Variants in LGR6 observed in about 807,000 individuals in gnomAD.
LGR6 encodes the protein leucine-rich repeat-containing G protein-coupled receptor 6.
LGR6 carries 45 observed loss-of-function variants against 69.4 expected under a neutral mutation model. The observed-to-expected ratio is 0.65, with a 90% CI of 0.51 to 0.83. The LOEUF (loss-of-function observed/expected upper bound fraction) is 0.83, where lower values mean the gene tolerates loss of function less well. Among genes scored for constraint, LGR6 ranks in the 40% least tolerant of loss-of-function variants. The probability of loss-of-function intolerance (pLI) is 0.00; values close to 1 mark genes in which losing one functional copy is unlikely to be tolerated. For synonymous variants in LGR6, 538 were observed against 555.0 expected (o/e 0.97, Z 0.43); for missense variants, 1,108 against 1,246.7 (o/e 0.89, Z 1.68).
chr1:202,259,625 C>G (rs1664057646), intron 4 of LGR6, among the ~76,000 whole-genome samples: 1 of 152,104 alleles, frequency 6.6e-6, no homozygotes, highest in Non-Finnish European at 1.5e-5. Flanking sequence ...ATGTTTTATA[C>G]TTTTTAAAGG....
At chr1:202,204,657 CCAAA>C (rs1659019684) in intron 1 of LGR6, among the ~76,000 whole-genome samples, 1 of 2,366 alleles carries the variant, frequency 4.2e-4, no homozygotes, top group Non-Finnish European at 9.6e-4. Flanking sequence ...ACACACACCT[CCAAA>C]CACACACACG....
In LGR6 at chr1:202,300,898, G is replaced by C; in HGVS notation, c.835G>C (p.Gly279Arg). 1 of 1,612,656 alleles carries C rather than the reference G, an allele frequency of 6.2e-7. No homozygotes were observed. Residue 279 changes from glycine (G) to arginine (R), a missense_variant, in exon 8 of 18, where the codon GGG (glycine) becomes CGG (arginine). Transcript: ENST00000367278. ...IKAIPEKAFM[G>R]NPLLQTIHFY... ...GGCCATCCCAGAAAAGGCCTTCATG[G>C]GGAACCCTCTGCTACAGACGATGTG...
chr1:202,203,092 G>A lies in LGR6; in HGVS notation c.212+8891G>A, dbSNP rs568623608. Among the ~76,000 whole-genome samples, 3 of 152,320 alleles carry A rather than the reference G, an allele frequency of 2.0e-5. No homozygotes were observed. The South Asian group carries it at 6.2e-4, about 32-fold the overall frequency. On this transcript the variant is annotated intron_variant, in intron 1 of 17. Transcript: ENST00000367278. The stretch of plus-strand genomic sequence containing the variant: ...TTGCTGGGGTTCTTGCAGGGCAGAT[G>A]AAGTGCTTCTTTGTATAGGGGAATA...
At chr1:202,284,613 C>T (rs566545461) in intron 6 of LGR6, among the ~76,000 whole-genome samples, 1 of 152,202 alleles carries the variant, frequency 6.6e-6, no homozygotes, top group African/African-American at 2.4e-5. Context: ...AAGGTTTTCC[C>T]AGGAGGTCTC....
At chr1:202,297,392 A>G (rs751614554) in intron 6 of LGR6, 116 bp from the exon 7 acceptor site, 8 of 768,452 alleles carry the variant, frequency 1.0e-5, no homozygotes, top group Admixed American at 2.4e-5. Flanking sequence ...GCTGGATCCA[A>G]CAGATTGGAA....
chr1:202,208,414 G>C (rs1358788720), intron 1 of LGR6, among the ~76,000 whole-genome samples: 1 of 135,388 alleles, frequency 7.4e-6, no homozygotes, highest in Non-Finnish European at 1.6e-5. Context: ...GGGGGAGAGA[G>C]AGAGAGAAGG....
intron 4 of LGR6, among the ~76,000 whole-genome samples, chr1:202,252,775 G>A (rs1663377829): frequency 6.6e-6 from 1 of 152,266 alleles, no homozygotes; most frequent in South Asian, 2.1e-4. Flanking sequence ...GCCCATGGCA[G>A]ATGGGTATGC....
At chr1:202,233,515 A>G (rs980746484) in intron 3 of LGR6, among the ~76,000 whole-genome samples, 1 of 152,206 alleles carries the variant, frequency 6.6e-6, no homozygotes, top group African/African-American at 2.4e-5. Flanking sequence ...TTTAGATGAA[A>G]GAAGTCAGGA....
At position 202,225,441 on chromosome 1, in the gene LGR6, C is replaced by A. The variant is rs373184201; in HGVS notation, c.231C>A (p.Asn77Lys). 1 of 1,613,972 alleles carries A rather than the reference C, an allele frequency of 6.2e-7. No homozygotes were observed. Among genetic ancestry groups the A allele is most frequent in the Non-Finnish European group, 8.5e-7 (1 of 1,179,882 alleles). ...CCACCAGGGACCTCAGCATGAACAACCTCACAGAGCTTCAGCCTGGCCTCT... is the reference window on the plus strand; with the variant it reads ...CCACCAGGGACCTCAGCATGAACAAACTCACAGAGCTTCAGCCTGGCCTCT... ...LTAYLDLSMN[N>K]LTELQPGLFH... is the part of the protein sequence containing the mutation. The change falls in exon 2 of 18, where the codon AAC becomes AAA. Residue 77 changes from asparagine (N) to lysine (K), a missense_variant. Transcript: ENST00000367278.
chr1:202,288,607 G>A (rs1342770797), intron 6 of LGR6, among the ~76,000 whole-genome samples: 1 of 152,158 alleles, frequency 6.6e-6, no homozygotes, highest in East Asian at 1.9e-4. Context: ...TCCGAGATAT[G>A]CAGTCTCTAG....
At chr1:202,235,441 A>C (rs112815865) in intron 3 of LGR6, among the ~76,000 whole-genome samples, 20 of 152,300 alleles carry the variant, frequency 1.3e-4, no homozygotes, top group African/African-American at 4.6e-4. Flanking sequence ...GCTGAAAAAA[A>C]TGTATTTGCC....
At chr1:202,233,135 C>A (rs1187432043) in intron 3 of LGR6, among the ~76,000 whole-genome samples, 1 of 152,092 alleles carries the variant, frequency 6.6e-6, no homozygotes, top group African/African-American at 2.4e-5. Context: ...TTCCCTGACA[C>A]TAGAAGGAAA....
chr1:202,196,550 C>T (rs1440961997), intron 1 of LGR6, among the ~76,000 whole-genome samples: 1 of 152,180 alleles, frequency 6.6e-6, no homozygotes, highest in Non-Finnish European at 1.5e-5. Flanking sequence ...CTAGCTCTGC[C>T]ACCTACTGAG....
intron 2 of LGR6, among the ~76,000 whole-genome samples, chr1:202,226,854 G>A (rs966360550): frequency 7.2e-5 from 11 of 152,188 alleles, no homozygotes; most frequent in Admixed American, 2.0e-4. Context: ...CAAAGGAGAC[G>A]GACAGGGTAA....
chr1:202,316,990 C>G (rs1654193633), intron 17 of LGR6, among the ~76,000 whole-genome samples: 1 of 152,140 alleles, frequency 6.6e-6, no homozygotes, highest in Admixed American at 6.5e-5. Context: ...GGCAATTTAC[C>G]TCCGAAATAC....
At chr1:202,308,988 C>A in intron 14 of LGR6, 63 bp from the exon 15 acceptor site, 1 of 1,594,048 alleles carries the variant, frequency 6.3e-7, no homozygotes, top group Non-Finnish European at 8.5e-7. Flanking sequence ...ACATTCTCAG[C>A]ACAGCCCTGC....
At chr1:202,274,105 T>C (rs1041742235) in intron 4 of LGR6, among the ~76,000 whole-genome samples, 38 of 151,886 alleles carry the variant, frequency 2.5e-4, no homozygotes, top group African/African-American at 8.9e-4. Context: ...CACAATAGAA[T>C]GGGGTGTCAA....
intron 4 of LGR6, among the ~76,000 whole-genome samples, chr1:202,246,027 C>T: frequency 7.8e-6 from 1 of 127,990 alleles, no homozygotes; most frequent in Non-Finnish European, 1.7e-5. Flanking sequence ...CTGTCCCTCC[C>T]TCCCTCCCTC....
chr1:202,195,101 C>T (rs1658588616), intron 1 of LGR6, among the ~76,000 whole-genome samples: 1 of 152,152 alleles, frequency 6.6e-6, no homozygotes, highest in African/African-American at 2.4e-5. Flanking sequence ...CGCTCTGGGG[C>T]AAGGAAACCT....
Sources: allele counts gnomAD v4.1 joint callset (sites outside exome capture counted in the v4.1 genomes callset), GRCh38; gene constraint gnomAD v4.1.1; transcripts MANE v1.5; gene names NCBI Gene and HGNC (gene_info 2026-07-23, HGNC 2026-07-21).